Variants in SLC45A1 observed in about 807,000 individuals in gnomAD.
SLC45A1 encodes proton-associated sugar transporter A.
A neutral mutation model predicts 57.6 loss-of-function variants in SLC45A1; 28 were observed. The ratio of observed to expected loss-of-function variants is 0.49; its 90% CI spans 0.36 to 0.67. The LOEUF (loss-of-function observed/expected upper bound fraction) is 0.67. SLC45A1 is among the 30% of genes least tolerant of loss of function. The probability of loss-of-function intolerance (pLI) is 0.00; values close to 1 mark genes in which losing one functional copy is unlikely to be tolerated. For missense variants in SLC45A1, 814 were observed against 1,041.5 expected (o/e 0.78, Z 3.01); for synonymous variants, 459 against 471.5 (o/e 0.97, Z 0.34).
At chr1:8,323,861 G>T (rs539156224) in intron 1 of SLC45A1, among the ~76,000 whole-genome samples, 29 of 150,380 alleles carry the variant, frequency 1.9e-4, no homozygotes, top group Non-Finnish European at 3.4e-4. Context: ...CAGGGTGCCG[G>T]GGGGGTGGTT....
intron 4 of SLC45A1, among the ~76,000 whole-genome samples, chr1:8,329,156 C>A (rs1388412793): frequency 6.6e-6 from 1 of 152,152 alleles, no homozygotes; most frequent in Non-Finnish European, 1.5e-5. Context: ...CATGGTCATA[C>A]GGTCCTTAGG....
Position 8,342,602 on chromosome 1 carries a change from G to A in SLC45A1, c.1981-1145G>A, listed in dbSNP as rs116338501. 4.5e-3 allele frequency among the ~76,000 whole-genome samples: 690 copies of A among 152,232 alleles called. 5 individuals are homozygous for A. The highest frequency in any genetic ancestry group is 0.017 in the Middle Eastern group (5 of 294). ...CATCTGTGCTGTTTCCTGGGTCAGC[G>A]CCTCCTTCCCTTTTATGGTCACATA... On this transcript the variant is annotated intron_variant, in intron 8 of 8. Transcript: ENST00000471889.
Position 8,330,819 on chromosome 1 carries a change from C to T in SLC45A1, c.1326C>T (p.Thr442=), listed in dbSNP as rs529790748. Residue 442 remains threonine (T), a synonymous_variant, in exon 5 of 9, where the codon ACC becomes ACT. Transcript: ENST00000471889. This position sits in a 1 kb window ranked among gnomAD's most constrained non-coding sequence, Gnocchi z 8.4. ...GDILRVGSLD[T]SKPRSSGILK... Reference sequence around the variant, plus strand: ...TTCTGAGGGTGGGCTCCTTGGACACCTCTAAGCCGAGGTCATCAGGGATTC... The same window carrying T: ...TTCTGAGGGTGGGCTCCTTGGACACTTCTAAGCCGAGGTCATCAGGGATTC... 1.9e-6 allele frequency: 3 copies of T among 1,613,508 alleles called. No homozygotes were observed. Among genetic ancestry groups the T allele is most frequent in the Admixed American group, 3.3e-5 (2 of 60,028 alleles).
At chr1:8,320,732 C>CACA (rs1380787651) in intron 1 of SLC45A1, among the ~76,000 whole-genome samples, 27 of 131,916 alleles carry the variant, frequency 2.0e-4, no homozygotes, top group Admixed American at 6.1e-4. Context: ...CACACACACA[C>CACA]ACCTGCCATA....
In SLC45A1 at chr1:8,343,459, T is replaced by C. The variant is rs1640893589; in HGVS notation, c.1981-288T>C. Among the ~76,000 whole-genome samples the C allele has an allele frequency of 6.6e-6, 1 of 152,058 alleles. No homozygotes were observed. Among genetic ancestry groups the C allele is most frequent in the Non-Finnish European group, 1.5e-5 (1 of 67,988 alleles). ...GATTGGTTTTCTTTGGGTGAGAGGA[T>C]GGGGAAGAGCTCAAGTGCTGAGCGG... On this transcript the variant is annotated intron_variant, in intron 8 of 8. Coordinates refer to ENST00000471889, the MANE Select transcript of SLC45A1 (RefSeq NM_001080397.3). This position sits in a 1 kb window ranked among gnomAD's most constrained non-coding sequence, Gnocchi z 7.7.
At chr1:8,336,457 T>C (rs1244397521) in intron 6 of SLC45A1, among the ~76,000 whole-genome samples, 1 of 152,024 alleles carries the variant, frequency 6.6e-6, no homozygotes, top group East Asian at 1.9e-4. Context: ...TCTCATACAT[T>C]GTGGGACATA....
rs1401675365 is a variant in SLC45A1 at position 8,330,575 on chromosome 1, T to A, written c.1082T>A (p.Ile361Asn). 1 of 1,613,456 alleles carries A rather than the reference T, an allele frequency of 6.2e-7. No homozygotes were observed. The highest frequency in any genetic ancestry group is 2.2e-5 in the East Asian group (1 of 44,870). ...AGCAGGGACAGCTCCCTGACGGGCA[T>A]CAGCGAGTTCGCCTCATCCTTTGGC... ...FISRDSSLTGISEFASSFGTA... is the reference protein window; with the variant it reads ...FISRDSSLTGNSEFASSFGTA... Residue 361 changes from isoleucine to asparagine, a missense_variant, in exon 5 of 9, where the codon ATC (isoleucine) becomes AAC (asparagine). Physicochemically the swap from Ile to Asn is moderately radical, Grantham distance 149. Transcript: ENST00000471889. This position sits in a 1 kb window ranked among gnomAD's most constrained non-coding sequence, Gnocchi z 8.4.
chr1:8,321,570 C>A (rs1407872442), intron 1 of SLC45A1, among the ~76,000 whole-genome samples: 1 of 152,158 alleles, frequency 6.6e-6, no homozygotes, highest in Non-Finnish European at 1.5e-5. Context: ...AACTCAAGGA[C>A]AAGAACTGTG....
chr1:8,318,147 GC>G lies in SLC45A1; in HGVS notation c.-61del. On this transcript the variant is annotated 5_prime_UTR_variant, in exon 1 of 9. Transcript: ENST00000471889. ...CGGGACCGCGGCCGGGCAGGCAGCAGCCCAGCGGGGACAGGGATGCCTGCCG... is the reference window on the plus strand; with the variant it reads ...CGGGACCGCGGCCGGGCAGGCAGCAGCCAGCGGGGACAGGGATGCCTGCCG... The G allele has an allele frequency of 2.2e-6, 1 of 453,322 alleles. No individual in the cohort carries two copies. The highest frequency in any genetic ancestry group is 4.0e-6 in the Non-Finnish European group (1 of 248,458). The allele number at this position is 453,322 out of a possible 1,614,324, so 28.1% of individuals were successfully genotyped here.
At chr1:8,341,865 A>T (rs1352052193) in intron 8 of SLC45A1, among the ~76,000 whole-genome samples, 1 of 151,834 alleles carries the variant, frequency 6.6e-6, no homozygotes, top group African/African-American at 2.4e-5. Flanking sequence ...GGTTGCACTG[A>T]GCCAAGATTG....
intron 7 of SLC45A1, 147 bp downstream of exon 7, chr1:8,338,139 C>T (rs896744374): frequency 1.7e-5 from 13 of 764,322 alleles, no homozygotes; most frequent in East Asian, 8.2e-5. Flanking sequence ...GGCTGCAGGG[C>T]GCTGGGCCTG....
At position 8,330,028 on chromosome 1, in the gene SLC45A1, C is replaced by G. The variant is rs1640333690; in HGVS notation, c.716-181C>G. On this transcript the variant is annotated intron_variant, in intron 4 of 8. Transcript: ENST00000471889. This position sits in a 1 kb window ranked among gnomAD's most constrained non-coding sequence, Gnocchi z 8.4. ...TGGCTGTGCAGGACAGGAGGGGGAC[C>G]TCCTCAAGGGGCCCGCCCTGGGAAT... The G allele has an allele frequency of 1.4e-6, 1 of 725,606 alleles. No individual in the cohort carries two copies. Among genetic ancestry groups the G allele is most frequent in the Non-Finnish European group, 2.2e-6 (1 of 448,074 alleles). The allele number at this position is 725,606 out of a possible 1,614,324, so 44.9% of individuals were successfully genotyped here.
In SLC45A1 at chr1:8,327,699, T is replaced by G. The variant is rs1360515522; in HGVS notation, c.715+1657T>G. Among the ~76,000 whole-genome samples, 2 of 152,130 alleles carry G rather than the reference T, an allele frequency of 1.3e-5. No individual in the cohort carries two copies. The highest frequency in any genetic ancestry group is 4.8e-5 in the African/African-American group (2 of 41,416). On this transcript the variant is annotated intron_variant, in intron 4 of 8. Coordinates refer to ENST00000471889, the MANE Select transcript of SLC45A1 (RefSeq NM_001080397.3). The surrounding 1 kb of genome is among the most constrained non-coding windows in gnomAD (Gnocchi z 4.3). ...GCTTGTCTATATAAAATACTTGCCT[T>G]GTTACAGAATAAAATGGAAGAAAAA...
intron 1 of SLC45A1, among the ~76,000 whole-genome samples, chr1:8,319,337 G>A (rs116522617): frequency 9.9e-5 from 15 of 152,160 alleles, no homozygotes; most frequent in Admixed American, 9.8e-4. Context: ...GCAACCCCGT[G>A]GGGGGAGCTC....
chr1:8,341,665 G>A lies in SLC45A1; in HGVS notation c.1980+1967G>A, dbSNP rs190600580. ...AGGCCAAACGCAGTAGCTCACGCCC[G>A]TAATCCCAGCACTTTGGGAGGCCGA... On this transcript the variant is annotated intron_variant, in intron 8 of 8. Transcript: ENST00000471889. Among the ~76,000 whole-genome samples, 353 of 151,998 alleles carry A rather than the reference G, an allele frequency of 2.3e-3. 2 individuals carry two copies. Among genetic ancestry groups the A allele is most frequent in the African/African-American group, 8.1e-3 (337 of 41,470 alleles).
chr1:8,343,872 G>A lies in SLC45A1; in HGVS notation c.2106G>A (p.Val702=). The change falls in exon 9 of 9, where the codon GTG becomes GTA. Residue 702 remains valine (V), a synonymous_variant. Coordinates refer to ENST00000471889, the MANE Select transcript of SLC45A1 (RefSeq NM_001080397.3). This position sits in a 1 kb window ranked among gnomAD's most constrained non-coding sequence, Gnocchi z 7.7. ...TCCTGGGGCCCCTGACCTCGGCCGT[G>A]GGCAGTGCCAACGGGGTGATGTACT... ...SLVLGPLTSA[V]GSANGVMYFS... The A allele has an allele frequency of 6.2e-7, 1 of 1,614,190 alleles. No individual in the cohort carries two copies. The highest frequency in any genetic ancestry group is 8.5e-7 in the Non-Finnish European group (1 of 1,180,018).
In SLC45A1 at chr1:8,324,328, C is replaced by T. The variant is rs753784183; in HGVS notation, c.-2C>T. The T allele has an allele frequency of 1.1e-5, 18 of 1,610,852 alleles. No individual in the cohort carries two copies. Among genetic ancestry groups the T allele is most frequent in the Non-Finnish European group, 1.4e-5 (17 of 1,178,754 alleles). ...CAGGGACGCCCACCAGCCCTCCCCA[C>T]GATGATCCCCGCAGCCAGCAGCACC... On this transcript the variant is annotated 5_prime_UTR_variant, in exon 2 of 9. The change creates a new upstream start codon in the 5' untranslated region. Transcript: ENST00000471889.
intron 1 of SLC45A1, among the ~76,000 whole-genome samples, chr1:8,323,490 CAAAAAAAAA>C (rs34956825): frequency 0.62 from 78,841 of 127,656 alleles, 22,759 homozygotes; most frequent in East Asian, 0.78. Flanking sequence ...GACTCTGTCT[CAAAAAAAAA>C]AAAAAAAAAA....
chr1:8,324,623 G>A lies in SLC45A1; in HGVS notation c.294G>A (p.Glu98=). Residue 98 remains glutamate, a synonymous_variant, in exon 2 of 9, where the codon GAG becomes GAA. Coordinates refer to ENST00000471889, the MANE Select transcript of SLC45A1 (RefSeq NM_001080397.3). ...ACGGCTGCATTCTCTTTGGCATCGA[G>A]TTCAGCTACGCCATGGAGACGGCGT... The part of the protein sequence containing the change: ...LFNGCILFGI[E]FSYAMETAYV... 5 of 1,611,442 alleles carry A rather than the reference G, an allele frequency of 3.1e-6. No individual in the cohort carries two copies. The highest frequency in any genetic ancestry group is 4.2e-6 in the Non-Finnish European group (5 of 1,179,204).
Sources: allele counts gnomAD v4.1 joint callset (sites outside exome capture counted in the v4.1 genomes callset), GRCh38; gene constraint gnomAD v4.1.1; non-coding constraint Gnocchi (gnomAD v3.1); transcripts MANE v1.5; gene names NCBI Gene and HGNC (gene_info 2026-07-23, HGNC 2026-07-21).